EVL: variants seen among roughly 807,000 people sequenced by gnomAD.
EVL encodes the protein Enah/Vasp-like.
Under a neutral mutation model 59.6 loss-of-function variants are expected in EVL, and 21 were observed. That is an observed-to-expected ratio of 0.35 (90% CI 0.25 to 0.51). EVL has a LOEUF of 0.51. Among genes scored for constraint, EVL ranks in the 20% least tolerant of loss-of-function variants. The pLI is 0.97. For missense variants in EVL, 462 were observed against 546.6 expected (o/e 0.85, Z 1.54); for synonymous variants, 198 against 203.5 (o/e 0.97, Z 0.23).
chr14:100,141,219 T>C lies in EVL; in HGVS notation c.1134T>C (p.Asp378=), dbSNP rs1889144489. ...GGAGCGTGAATGACATGGCCCTGGA[T>C]GCCTTCGACTTGGACCGGATGAAGC... is the stretch of plus-strand genomic sequence containing the variant. ...PAGSVNDMAL[D]AFDLDRMKQE... Residue 378 remains aspartate, a synonymous_variant, in exon 12 of 14, where the codon GAT becomes GAC. Transcript: ENST00000392920. 1.2e-6 allele frequency: 2 copies of C among 1,613,892 alleles called. No individual in the cohort carries two copies. The highest frequency in any genetic ancestry group is 2.2e-5 in the South Asian group (2 of 91,080).
intron 2 of EVL, among the ~76,000 whole-genome samples, chr14:100,090,725 T>A (rs978089713): frequency 1.3e-5 from 2 of 152,130 alleles, no homozygotes; most frequent in Non-Finnish European, 2.9e-5. Context: ...CCCTTCATGA[T>A]AAAAACTGAG....
chr14:100,102,132 C>T (rs147179355), intron 3 of EVL, among the ~76,000 whole-genome samples: 6 of 152,312 alleles, frequency 3.9e-5, no homozygotes, highest in South Asian at 4.1e-4. Flanking sequence ...TCACCATGCC[C>T]GGTCTGACTT....
At chr14:100,060,465 T>TCTA (rs1264345727), upstream of EVL, among the ~76,000 whole-genome samples, 1 of 151,198 alleles carries the variant, frequency 6.6e-6, no homozygotes, top group Non-Finnish European at 1.5e-5. Flanking sequence ...CAGTGAAAAT[T>TCTA]CTACTACTGG....
chr14:100,084,934 A>G, intron 2 of EVL, 79 bp downstream of exon 2: 1 of 1,491,914 alleles, frequency 6.7e-7, no homozygotes, highest in South Asian at 1.2e-5. Flanking sequence ...CACATGTATC[A>G]TTAAGAGGTC....
Position 100,128,557 on chromosome 14 carries a change from A to G in EVL, c.526A>G (p.Ser176Gly). The change falls in exon 6 of 14, where the codon AGC becomes GGC. Residue 176 changes from serine to glycine, a missense_variant. Coordinates refer to ENST00000392920, the MANE Select transcript of EVL (RefSeq NM_016337.3). Reference sequence around the variant, plus strand: ...ACCAGGACATCCTTCATCTGCAGCCAGCGCCCCCGTCTCATGTAGTGGGCC... The same window carrying G: ...ACCAGGACATCCTTCATCTGCAGCCGGCGCCCCCGTCTCATGTAGTGGGCC... ...LPPGHPSSAASAPVSCSGPPP... is the reference protein window; with the variant it reads ...LPPGHPSSAAGAPVSCSGPPP... 1 of 1,610,894 alleles carries G rather than the reference A, an allele frequency of 6.2e-7. No homozygotes were observed. Among genetic ancestry groups the G allele is most frequent in the Non-Finnish European group, 8.5e-7 (1 of 1,179,618 alleles).
intron 1 of EVL, among the ~76,000 whole-genome samples, chr14:100,080,749 A>G (rs1392558428): frequency 6.6e-6 from 1 of 152,178 alleles, no homozygotes; most frequent in Non-Finnish European, 1.5e-5. Context: ...CCCAGGGGGG[A>G]AAGAAGTCCA....
intron 11 of EVL, chr14:100,138,050 G>T (rs962569110): frequency 3.4e-6 from 2 of 584,720 alleles, no homozygotes; most frequent in Non-Finnish European, 6.1e-6. Context: ...GTGCAGGGGG[G>T]GGCCAACATG....
intron 9 of EVL, chr14:100,137,122 T>C (rs890706621): frequency 1.6e-5 from 3 of 190,446 alleles, no homozygotes; most frequent in Non-Finnish European, 3.3e-5. Flanking sequence ...TATAATCCAA[T>C]ACCACTTAAA....
intron 1 of EVL, among the ~76,000 whole-genome samples, chr14:100,008,746 A>G (rs934597203): frequency 6.6e-6 from 1 of 152,198 alleles, no homozygotes; most frequent in Non-Finnish European, 1.5e-5. Context: ...GGCATTAGCA[A>G]TCCGTGGGAA....
chr14:100,083,819 C>T (rs932865913), intron 1 of EVL, among the ~76,000 whole-genome samples: 8 of 152,142 alleles, frequency 5.3e-5, no homozygotes, highest in Non-Finnish European at 1.0e-4. Context: ...ATAAATGAAG[C>T]ATTTTGTTGG....
chr14:100,055,323 A>T (rs560928182), intron 1 of EVL, among the ~76,000 whole-genome samples: 54 of 152,170 alleles, frequency 3.5e-4, no homozygotes, highest in Non-Finnish European at 4.6e-4. Flanking sequence ...ATGTTTTCTA[A>T]GTTCTGTCTA....
At chr14:100,016,369 A>C (rs1484524440) in intron 1 of EVL, among the ~76,000 whole-genome samples, 1 of 152,192 alleles carries the variant, frequency 6.6e-6, no homozygotes, top group Non-Finnish European at 1.5e-5. Flanking sequence ...TCTCTACTAA[A>C]AATACAAAAA....
chr14:100,138,221 AGCC>A (rs1388145964), intron 11 of EVL: 7 of 265,526 alleles, frequency 2.6e-5, no homozygotes, highest in Non-Finnish European at 5.1e-5. Flanking sequence ...TGTGGTCACT[AGCC>A]AGGGCTGCAC....
chr14:100,133,407 G>A (rs1216691863), intron 8 of EVL, among the ~76,000 whole-genome samples: 1 of 152,224 alleles, frequency 6.6e-6, no homozygotes, highest in African/African-American at 2.4e-5. Flanking sequence ...AACTACAAAT[G>A]CCTTGAAGGT....
At chr14:100,104,716 C>T (rs1886448261) in intron 3 of EVL, among the ~76,000 whole-genome samples, 1 of 152,118 alleles carries the variant, frequency 6.6e-6, no homozygotes, top group Non-Finnish European at 1.5e-5. Flanking sequence ...TTGGAACTAT[C>T]AGAAGTCTGA....
At chr14:100,032,662 C>CT (rs2061331659) in intron 1 of EVL, among the ~76,000 whole-genome samples, 1 of 152,144 alleles carries the variant, frequency 6.6e-6, no homozygotes, top group African/African-American at 2.4e-5. Context: ...ATTTCCAAAC[C>CT]TTTTTTTCTT....
intron 1 of EVL, among the ~76,000 whole-genome samples, chr14:100,043,446 T>C (rs764075634): frequency 4.4e-5 from 5 of 113,048 alleles, no homozygotes; most frequent in Non-Finnish European, 8.3e-5. Context: ...TCAATCCAAG[T>C]CCAAAGGCCT....
intron 1 of EVL, among the ~76,000 whole-genome samples, chr14:100,051,975 G>A (rs764509133): frequency 2.0e-5 from 3 of 152,104 alleles, no homozygotes; most frequent in Non-Finnish European, 4.4e-5. Flanking sequence ...ATACCTCGGT[G>A]GACCAAACAG....
chr14:100,051,966 T>C (rs1490413328), intron 1 of EVL, among the ~76,000 whole-genome samples: 1 of 152,210 alleles, frequency 6.6e-6, no homozygotes, highest in Non-Finnish European at 1.5e-5. Flanking sequence ...CAGGACATAA[T>C]ACCTCGGTGG....
Sources: allele counts gnomAD v4.1 joint callset (sites outside exome capture counted in the v4.1 genomes callset), GRCh38; gene constraint gnomAD v4.1.1; transcripts MANE v1.5; gene names NCBI Gene and HGNC (gene_info 2026-07-23, HGNC 2026-07-21).